Variants in CCDC170 observed in about 807,000 individuals in gnomAD.
CCDC170 encodes the protein coiled-coil domain containing 170.
Under a neutral mutation model 72.6 loss-of-function variants are expected in CCDC170, and 69 were observed. The observed-to-expected ratio is 0.95, with a 90% CI of 0.78 to 1.16. The LOEUF (loss-of-function observed/expected upper bound fraction) is 1.16. Ranked by LOEUF, CCDC170 falls within the 50% of genes most tolerant of loss-of-function variation. CCDC170 has a pLI of 0.00. For missense variants in CCDC170, 852 were observed against 832.5 expected (o/e 1.02, Z -0.29); for synonymous variants, 300 against 303.9 (o/e 0.99, Z 0.13).
intron 9 of CCDC170, among the ~76,000 whole-genome samples, chr6:151,606,501 AT>A (rs2115133807): frequency 6.6e-6 from 1 of 152,274 alleles, no homozygotes; most frequent in East Asian, 1.9e-4. Flanking sequence ...TATGATTTCT[AT>A]TTTAAAAAAT....
chr6:151,533,213 C>T (rs1474788157), intron 1 of CCDC170, among the ~76,000 whole-genome samples: 2 of 151,786 alleles, frequency 1.3e-5, no homozygotes, highest in African/African-American at 4.8e-5. Flanking sequence ...GCCACCACAC[C>T]CGGCTAATTT....
intron 5 of CCDC170, among the ~76,000 whole-genome samples, chr6:151,554,880 T>G (rs967931122): frequency 2.8e-5 from 4 of 140,854 alleles, no homozygotes; most frequent in East Asian, 2.1e-4. Context: ...CAGTTTTTTT[T>G]TTTTTTTTTT....
intron 1 of CCDC170, among the ~76,000 whole-genome samples, chr6:151,533,052 CTTTTTT>C (rs58383930): frequency 2.5e-5 from 3 of 118,038 alleles, no homozygotes; most frequent in Non-Finnish European, 1.8e-5. Flanking sequence ...GACTATTTCT[CTTTTTT>C]TTTTTTTTTT....
chr6:151,509,229 T>C (rs906121818), intron 1 of CCDC170, among the ~76,000 whole-genome samples: 45 of 151,140 alleles, frequency 3.0e-4, no homozygotes, highest in South Asian at 6.3e-4. Context: ...TATGTATCTA[T>C]CTATCTATCT....
chr6:151,526,948 C>A (rs936215472), intron 1 of CCDC170, among the ~76,000 whole-genome samples: 1 of 151,554 alleles, frequency 6.6e-6, no homozygotes, highest in Non-Finnish European at 1.5e-5. Context: ...TGCAGTGGCA[C>A]CATCATTGTC....
chr6:151,616,203 G>A (rs532147750), intron 10 of CCDC170, among the ~76,000 whole-genome samples: 1 of 152,226 alleles, frequency 6.6e-6, no homozygotes, highest in African/African-American at 2.4e-5. Flanking sequence ...CTTATCTGTA[G>A]CAGAGATCAG....
At chr6:151,603,064 G>T (rs1206785595) in intron 9 of CCDC170, among the ~76,000 whole-genome samples, 1 of 152,010 alleles carries the variant, frequency 6.6e-6, no homozygotes, top group African/African-American at 2.4e-5. Flanking sequence ...GCCTCCTAAA[G>T]TGCTGGGATT....
chr6:151,571,913 T>C (rs934574101), intron 5 of CCDC170, among the ~76,000 whole-genome samples: 1 of 152,252 alleles, frequency 6.6e-6, no homozygotes, highest in Non-Finnish European at 1.5e-5. Context: ...TGGAGTGCAC[T>C]GATGCAATTA....
chr6:151,500,757 A>G (rs1336284867), intron 1 of CCDC170, among the ~76,000 whole-genome samples: 1 of 152,134 alleles, frequency 6.6e-6, no homozygotes, highest in Non-Finnish European at 1.5e-5. Flanking sequence ...TATGTTCCTA[A>G]GAACACAGCA....
At chr6:151,566,985 A>G (rs867586293) in intron 5 of CCDC170, among the ~76,000 whole-genome samples, 2 of 152,034 alleles carry the variant, frequency 1.3e-5, no homozygotes, top group African/African-American at 4.8e-5. Context: ...CAATGGTGCG[A>G]TCTCAGCTCA....
At chr6:151,521,781 C>T (rs117027891) in intron 1 of CCDC170, among the ~76,000 whole-genome samples, 12,049 of 151,832 alleles carry the variant, frequency 0.079, 606 homozygotes, top group East Asian at 0.14. Flanking sequence ...CAGGAGATAG[C>T]GACCATCCTG....
chr6:151,518,822 A>G (rs1782272823), intron 1 of CCDC170, among the ~76,000 whole-genome samples: 1 of 152,148 alleles, frequency 6.6e-6, no homozygotes, highest in African/African-American at 2.4e-5. Flanking sequence ...GCAGGTTTTT[A>G]TTAAGGACTT....
chr6:151,566,976 A>G (rs1246835749), intron 5 of CCDC170, among the ~76,000 whole-genome samples: 1 of 152,092 alleles, frequency 6.6e-6, no homozygotes, highest in African/African-American at 2.4e-5. Context: ...GCTGGAGTGC[A>G]ATGGTGCGAT....
intron 1 of CCDC170, among the ~76,000 whole-genome samples, chr6:151,525,082 G>A (rs568695559): frequency 1.3e-3 from 204 of 152,070 alleles, no homozygotes; most frequent in Non-Finnish European, 2.1e-3. Flanking sequence ...ATAGGTGCCC[G>A]CCACTGCACC....
rs1269558402 is a variant in CCDC170, at chr6:151,619,469, T to C, written c.*1322T>C. ...ACTCTTTTGGACAATTTATCTTATT[T>C]CTATCATATAAGATGTATTTTTTTA... On this transcript the variant is annotated 3_prime_UTR_variant, in exon 11 of 11. Transcript: ENST00000239374. 1 of 152,174 alleles carries C rather than the reference T, an allele frequency of 6.6e-6. No homozygotes were observed. Among genetic ancestry groups the C allele is most frequent in the African/African-American group, 2.4e-5 (1 of 41,430 alleles). The allele number at this position is 152,174 out of a possible 1,614,324, so 9.4% of individuals were successfully genotyped here. A position where few individuals can be genotyped will look rare whatever the true frequency, so the allele number is the denominator to read the frequency against.
chr6:151,537,802 G>A (rs1204429441), intron 2 of CCDC170, among the ~76,000 whole-genome samples: 1 of 152,088 alleles, frequency 6.6e-6, no homozygotes, highest in East Asian at 1.9e-4. Context: ...AATGTCTCCT[G>A]AATGAGACTA....
At chr6:151,548,659 GT>G (rs1351611493) in intron 5 of CCDC170, among the ~76,000 whole-genome samples, 170 bp downstream of exon 5, 1 of 152,052 alleles carries the variant, frequency 6.6e-6, no homozygotes, top group Non-Finnish European at 1.5e-5. Context: ...ATGGGACAAA[GT>G]GACTTGAACA....
chr6:151,535,826 A>C lies in CCDC170; in HGVS notation c.58-492A>C, dbSNP rs1782567232. Among the ~76,000 whole-genome samples, 3 of 152,010 alleles carry C rather than the reference A, an allele frequency of 2.0e-5. No homozygotes were observed. The South Asian group carries it at 6.2e-4, about 32-fold the overall frequency. Reference sequence around the variant, plus strand: ...AGTGGTGCAATTATAGCTCACTGAAACCTCAAATTCCTGGGCTCAAGTGAT... The same window carrying C: ...AGTGGTGCAATTATAGCTCACTGAACCCTCAAATTCCTGGGCTCAAGTGAT... On this transcript the variant is annotated intron_variant, in intron 1 of 10. Transcript: ENST00000239374.
intron 5 of CCDC170, 80 bp downstream of exon 5, chr6:151,548,569 GCC>G: frequency 7.9e-7 from 1 of 1,264,496 alleles, no homozygotes; most frequent in Non-Finnish European, 1.1e-6. Flanking sequence ...TCAGATAAGT[GCC>G]CTAGAACTAC....
Sources: allele counts gnomAD v4.1 joint callset (sites outside exome capture counted in the v4.1 genomes callset), GRCh38; gene constraint gnomAD v4.1.1; transcripts MANE v1.5; gene names NCBI Gene and HGNC (gene_info 2026-07-23, HGNC 2026-07-21).